The following SLC23A2 variants were observed in gnomAD, a reference collection of about 807,000 sequenced individuals.
SLC23A2 encodes Na(+)/L-ascorbic acid transporter 2.
SLC23A2 carries 36 observed loss-of-function variants against 73.3 expected under a neutral mutation model. The observed-to-expected ratio is 0.49, with a 90% CI of 0.38 to 0.65. The LOEUF (loss-of-function observed/expected upper bound fraction) is 0.65, where lower values mean the gene tolerates loss of function less well. Ranked by LOEUF, SLC23A2 falls within the 30% of genes least tolerant of loss-of-function variation. The pLI is 0.00. For missense variants in SLC23A2, 507 were observed against 841.6 expected (o/e 0.60, Z 4.92); for synonymous variants, 343 against 327.3 (o/e 1.05, Z -0.52).
intron 4 of SLC23A2, among the ~76,000 whole-genome samples, chr20:4,909,631 A>T (rs761956640): frequency 1.3e-5 from 2 of 152,138 alleles, no homozygotes; most frequent in Non-Finnish European, 2.9e-5. Context: ...TTGGCTCACT[A>T]CAACCTCTGC....
At chr20:4,972,250 G>C (rs72552243) in intron 1 of SLC23A2, among the ~76,000 whole-genome samples, 59 of 152,044 alleles carry the variant, frequency 3.9e-4, no homozygotes, top group Middle Eastern at 3.4e-3. Context: ...ATTTGTTCTT[G>C]GGCAAGTTAG....
In SLC23A2 at chr20:4,856,765, G is replaced by A; in HGVS notation, c.*207C>T. Reference sequence around the variant, plus strand: ...AGCAATGGACACTCTCAAAGGGCAAGGAGTTAAGGGCTTAAATAAGGAGAT... The same window carrying A: ...AGCAATGGACACTCTCAAAGGGCAAAGAGTTAAGGGCTTAAATAAGGAGAT... On this transcript the variant is annotated 3_prime_UTR_variant, in exon 17 of 17. Transcript: ENST00000338244. This position sits in a 1 kb window ranked among gnomAD's most constrained non-coding sequence, Gnocchi z 4.6. 1.8e-6 allele frequency: 1 copy of A among 548,280 alleles called. No homozygotes were observed. Among genetic ancestry groups the A allele is most frequent in the South Asian group, 2.4e-5 (1 of 42,044 alleles). The allele number at this position is 548,280 out of a possible 1,614,324, so 34.0% of individuals were successfully genotyped here. A position where few individuals can be genotyped will look rare whatever the true frequency, so the allele number is the denominator to read the frequency against.
intron 1 of SLC23A2, among the ~76,000 whole-genome samples, chr20:4,980,311 C>T (rs1038615875): frequency 4.6e-5 from 7 of 152,068 alleles, no homozygotes; most frequent in Non-Finnish European, 1.0e-4. Flanking sequence ...ATTATGTCCA[C>T]CACAGCAGAA....
intron 13 of SLC23A2, among the ~76,000 whole-genome samples, chr20:4,865,332 A>G (rs540589928): frequency 6.6e-6 from 1 of 152,364 alleles, no homozygotes; most frequent in South Asian, 2.1e-4. Context: ...AGGGGTAAAT[A>G]GCAATAATGA....
At chr20:4,941,529 C>A (rs532559653) in intron 2 of SLC23A2, among the ~76,000 whole-genome samples, 2 of 151,928 alleles carry the variant, frequency 1.3e-5, no homozygotes, top group African/African-American at 4.8e-5. Context: ...ATGGTGAAAC[C>A]CATCTCTACT....
intron 6 of SLC23A2, among the ~76,000 whole-genome samples, chr20:4,896,336 G>A (rs969610836): frequency 7.2e-5 from 11 of 152,264 alleles, no homozygotes; most frequent in Non-Finnish European, 1.5e-4. Context: ...AGCCCCCACC[G>A]GAGCCCCAGC....
chr20:4,970,583 A>G (rs1172081106), intron 2 of SLC23A2, among the ~76,000 whole-genome samples: 3 of 152,102 alleles, frequency 2.0e-5, no homozygotes, highest in African/African-American at 4.8e-5. Flanking sequence ...AAAAAAATTT[A>G]AAAATTAGCC....
At chr20:5,005,500 CTG>C (rs1441348191), upstream of SLC23A2, among the ~76,000 whole-genome samples, 1 of 152,040 alleles carries the variant, frequency 6.6e-6, no homozygotes, top group Non-Finnish European at 1.5e-5. Context: ...CATTTCCAGG[CTG>C]TGTTATTTTT....
rs760210809 is a variant in SLC23A2 at position 4,902,596 on chromosome 20, C to T, written c.208-38G>A. On this transcript the variant is annotated intron_variant, in intron 4 of 16. Transcript: ENST00000338244. This position sits in a 1 kb window ranked among gnomAD's most constrained non-coding sequence, Gnocchi z 4.0. The stretch of plus-strand genomic sequence containing the variant: ...AGGAGAAAAGAAGGTGCTCATTAAA[C>T]GTGAAGACCAGTGTTAGCTCGGCCA... 9.0e-6 allele frequency: 11 copies of T among 1,220,656 alleles called. No individual in the cohort carries two copies. The highest frequency in any genetic ancestry group is 4.5e-5 in the African/African-American group (3 of 66,366). The allele number at this position is 1,220,656 out of a possible 1,614,324, so 75.6% of individuals were successfully genotyped here.
At chr20:4,876,147 A>G (rs570158179) in intron 9 of SLC23A2, among the ~76,000 whole-genome samples, 1 of 152,220 alleles carries the variant, frequency 6.6e-6, no homozygotes, top group Non-Finnish European at 1.5e-5. Context: ...GTAACAAGGG[A>G]TACTAAAACT....
In SLC23A2 at chr20:4,852,629, T is replaced by C. The variant is rs893537075; in HGVS notation, c.*4343A>G. 9 of 152,488 alleles carry C rather than the reference T, an allele frequency of 5.9e-5. No homozygotes were observed. The highest frequency in any genetic ancestry group is 1.0e-4 in the Non-Finnish European group (7 of 68,018). The allele number at this position is 152,488 out of a possible 1,614,324, so 9.4% of individuals were successfully genotyped here. ...ACAAACAAAACCCCAGAAAGGTATATATAGCCAAAGTCAGTCACAAAAACT... is the reference window on the plus strand; with the variant it reads ...ACAAACAAAACCCCAGAAAGGTATACATAGCCAAAGTCAGTCACAAAAACT... On this transcript the variant is annotated 3_prime_UTR_variant, in exon 17 of 17. Coordinates refer to ENST00000338244, the MANE Select transcript of SLC23A2 (RefSeq NM_005116.6). This position sits in a 1 kb window ranked among gnomAD's most constrained non-coding sequence, Gnocchi z 4.3.
chr20:4,910,390 A>C (rs563724136), intron 4 of SLC23A2, among the ~76,000 whole-genome samples: 1 of 151,724 alleles, frequency 6.6e-6, no homozygotes, highest in Admixed American at 6.6e-5. Flanking sequence ...AAAAAAAAAA[A>C]AAAACAGCCC....
chr20:4,921,880 A>T (rs1326323291), intron 3 of SLC23A2, among the ~76,000 whole-genome samples: 1 of 152,150 alleles, frequency 6.6e-6, no homozygotes, highest in Non-Finnish European at 1.5e-5. Flanking sequence ...TCACCCCAAC[A>T]ATGTAGTTTG....
chr20:4,962,312 G>A (rs2087405642), intron 2 of SLC23A2, among the ~76,000 whole-genome samples: 1 of 152,084 alleles, frequency 6.6e-6, no homozygotes, highest in South Asian at 2.1e-4. Flanking sequence ...TCTGGAGACA[G>A]CTCAGAGAGG....
intron 15 of SLC23A2, 57 bp downstream of exon 15, chr20:4,861,891 T>C: frequency 6.3e-7 from 1 of 1,592,802 alleles, no homozygotes; most frequent in South Asian, 1.1e-5. Flanking sequence ...GAGCTGCGTG[T>C]GGACTGGCGG....
intron 13 of SLC23A2, 44 bp downstream of exon 13, chr20:4,867,726 C>T (rs1313427752): frequency 8.9e-7 from 1 of 1,121,230 alleles, no homozygotes; most frequent in Non-Finnish European, 1.3e-6. Context: ...TGAAATGGAC[C>T]AATGCTTAGA....
chr20:5,008,365 T>G (rs1260595156), intron 1 of SLC23A2, among the ~76,000 whole-genome samples: 1 of 152,118 alleles, frequency 6.6e-6, no homozygotes, highest in Non-Finnish European at 1.5e-5. Flanking sequence ...CTCAGAATGT[T>G]AGTTCTGGAA....
At chr20:4,858,280 G>A (rs1929817890) in intron 16 of SLC23A2, among the ~76,000 whole-genome samples, 1 of 152,178 alleles carries the variant, frequency 6.6e-6, no homozygotes, top group Non-Finnish European at 1.5e-5. Context: ...AGGAAGCTCT[G>A]AGCACACAGG....
intron 3 of SLC23A2, among the ~76,000 whole-genome samples, chr20:4,925,809 T>C (rs1302720149): frequency 6.6e-6 from 1 of 152,202 alleles, no homozygotes; most frequent in East Asian, 1.9e-4. Context: ...CTTGACCTAC[T>C]ATACCTAGAC....
Sources: allele counts gnomAD v4.1 joint callset (sites outside exome capture counted in the v4.1 genomes callset), GRCh38; gene constraint gnomAD v4.1.1; non-coding constraint Gnocchi (gnomAD v3.1); transcripts MANE v1.5; gene names NCBI Gene and HGNC (gene_info 2026-07-23, HGNC 2026-07-21).